Variants in KIF26B observed in about 807,000 individuals in gnomAD.
KIF26B encodes kinesin family member 26B.
In KIF26B, 63 loss-of-function variants were observed where a neutral mutation model predicts 151.2. That is an observed-to-expected ratio of 0.42 (90% CI 0.34 to 0.51). The LOEUF (loss-of-function observed/expected upper bound fraction) is 0.51, where lower values mean the gene tolerates loss of function less well. Among genes scored for constraint, KIF26B ranks in the 20% least tolerant of loss-of-function variants. The probability of loss-of-function intolerance (pLI) is 0.07; values close to 1 mark genes in which losing one functional copy is unlikely to be tolerated. For missense variants in KIF26B, 2,813 were observed against 2,913.6 expected (o/e 0.97, Z 0.79); for synonymous variants, 1,357 against 1,262.1 (o/e 1.08, Z -1.59).
intron 2 of KIF26B, among the ~76,000 whole-genome samples, chr1:245,235,350 G>T (rs1264635932): frequency 6.6e-6 from 1 of 151,974 alleles, no homozygotes; most frequent in East Asian, 1.9e-4. Flanking sequence ...CCAGTGCTTT[G>T]AGAGGCTGAG....
In KIF26B at chr1:245,702,718, T is replaced by C. The variant is rs111364911; in HGVS notation, c.*112T>C. 62,287 of 1,266,810 alleles carry C rather than the reference T, an allele frequency of 0.049. 1,804 individuals are homozygous for C. Among genetic ancestry groups the C allele is most frequent in the Middle Eastern group, 0.064 (235 of 3,644 alleles). 78.5% of individuals were successfully genotyped at this position (1,266,810 alleles called of 1,614,324 possible). On this transcript the variant is annotated 3_prime_UTR_variant, in exon 15 of 15. Coordinates refer to ENST00000407071, the MANE Select transcript of KIF26B (RefSeq NM_018012.4). This position sits in a 1 kb window ranked among gnomAD's most constrained non-coding sequence, Gnocchi z 4.1. ...CAAAGACAATGAATGAGGATGAAGG[T>C]TGGTGGCAAGTCTGGAGCGGGCGTT...
rs775047711 is a variant in KIF26B, at chr1:245,540,925, T to C, written c.1325T>C (p.Val442Ala). ...PPCLLRAVNK[V>A]KDTPGLGKVK... is the part of the protein sequence containing the mutation. Reference sequence around the variant, plus strand: ...TGCCTGCTGAGGGCTGTCAACAAGGTGAAGGACACCCCGGGGCTGGGCAAG... The same window carrying C: ...TGCCTGCTGAGGGCTGTCAACAAGGCGAAGGACACCCCGGGGCTGGGCAAG... The change falls in exon 5 of 15, where the codon GTG becomes GCG. Residue 442 changes from valine to alanine, a missense_variant. Physicochemically the swap from Val to Ala is moderately conservative, Grantham distance 64. Coordinates refer to ENST00000407071, the MANE Select transcript of KIF26B (RefSeq NM_018012.4). This position sits in a 1 kb window ranked among gnomAD's most constrained non-coding sequence, Gnocchi z 4.6. 6.2e-7 allele frequency: 1 copy of C among 1,613,628 alleles called. No individual in the cohort carries two copies. The highest frequency in any genetic ancestry group is 1.3e-5 in the African/African-American group (1 of 74,986).
chr1:245,684,869 A>C (rs1372336118), intron 11 of KIF26B, among the ~76,000 whole-genome samples: 1 of 152,096 alleles, frequency 6.6e-6, no homozygotes, highest in Non-Finnish European at 1.5e-5. Context: ...TTGTCCTGGC[A>C]ATTCAGTGGT....
chr1:245,266,018 T>C (rs1365570636), intron 2 of KIF26B, among the ~76,000 whole-genome samples: 1 of 151,848 alleles, frequency 6.6e-6, no homozygotes, highest in Non-Finnish European at 1.5e-5. Context: ...CACCATAAAG[T>C]AAAAGAGATC....
chr1:245,599,333 C>A (rs898353961), intron 5 of KIF26B, among the ~76,000 whole-genome samples: 1 of 152,184 alleles, frequency 6.6e-6, no homozygotes, highest in Non-Finnish European at 1.5e-5. Flanking sequence ...TGTGGCCTTT[C>A]CCCCAGCTCG....
chr1:245,627,635 C>T (rs1156547046), intron 9 of KIF26B, among the ~76,000 whole-genome samples: 1 of 151,206 alleles, frequency 6.6e-6, no homozygotes, highest in East Asian at 1.9e-4. Context: ...AAGATCAGAG[C>T]AGAACTGAAG....
At chr1:245,356,424 C>T (rs112672598) in intron 2 of KIF26B, among the ~76,000 whole-genome samples, 4,058 of 151,952 alleles carry the variant, frequency 0.027, 171 homozygotes, top group African/African-American at 0.086. Flanking sequence ...GGCGTGGTGG[C>T]GGGCGCCTGT....
chr1:245,623,727 T>C (rs1185916842), intron 9 of KIF26B, among the ~76,000 whole-genome samples: 1 of 152,226 alleles, frequency 6.6e-6, no homozygotes, highest in African/African-American at 2.4e-5. Flanking sequence ...TCAGGCTGTG[T>C]ATATAAGGTA....
At chr1:245,441,634 G>A (rs1043878090) in intron 4 of KIF26B, among the ~76,000 whole-genome samples, 3 of 152,108 alleles carry the variant, frequency 2.0e-5, no homozygotes, top group Non-Finnish European at 4.4e-5. Context: ...ACAAGAATAG[G>A]ACATTCCTAT....
At position 245,685,806 on chromosome 1, in the gene KIF26B, G is replaced by A; in HGVS notation, c.2823G>A (p.Glu941=). Reference sequence around the variant, plus strand: ...TGGACTGCATCGACGGCAGCGAGGAGCCCAGCAGCTTTCCTTTCGAAGAAC... The same window carrying A: ...TGGACTGCATCGACGGCAGCGAGGAACCCAGCAGCTTTCCTTTCGAAGAAC... The part of the protein sequence containing the change: ...ERLDCIDGSE[E]PSSFPFEELP... Residue 941 remains glutamate, a synonymous_variant, in exon 12 of 15, where the codon GAG becomes GAA. Transcript: ENST00000407071. 1 of 1,610,166 alleles carries A rather than the reference G, an allele frequency of 6.2e-7. No individual in the cohort carries two copies. Among genetic ancestry groups the A allele is most frequent in the African/African-American group, 1.3e-5 (1 of 74,972 alleles).
intron 4 of KIF26B, among the ~76,000 whole-genome samples, chr1:245,434,512 C>T (rs1658856806): frequency 6.6e-6 from 1 of 152,098 alleles, no homozygotes; most frequent in African/African-American, 2.4e-5. Context: ...ACTGCTGGTC[C>T]CCCTCTTCCC....
chr1:245,487,689 C>T (rs985899034), intron 4 of KIF26B, among the ~76,000 whole-genome samples: 1 of 152,010 alleles, frequency 6.6e-6, no homozygotes, highest in Non-Finnish European at 1.5e-5. Flanking sequence ...CAGCCTGGAC[C>T]TCGGCTCAGG....
At chr1:245,578,429 A>G (rs1374636254) in intron 5 of KIF26B, among the ~76,000 whole-genome samples, 5 of 152,242 alleles carry the variant, frequency 3.3e-5, no homozygotes, top group African/African-American at 1.2e-4. Context: ...ACAAACAGCC[A>G]GTCTGCACAG....
At chr1:245,302,857 CGGGT>C (rs1671451431) in intron 2 of KIF26B, among the ~76,000 whole-genome samples, 1 of 151,476 alleles carries the variant, frequency 6.6e-6, no homozygotes, top group Non-Finnish European at 1.5e-5. Context: ...GGCGTGGTGG[CGGGT>C]GCCTGTAATC....
intron 2 of KIF26B, among the ~76,000 whole-genome samples, chr1:245,328,879 G>A (rs1030849349): frequency 1.3e-5 from 2 of 152,184 alleles, no homozygotes; most frequent in Admixed American, 6.5e-5. Flanking sequence ...ATTCATCCAC[G>A]TAGTGAGACC....
At chr1:245,258,718 T>C (rs1302698024) in intron 2 of KIF26B, among the ~76,000 whole-genome samples, 1 of 151,790 alleles carries the variant, frequency 6.6e-6, no homozygotes, top group Non-Finnish European at 1.5e-5. Flanking sequence ...AGGATAACCA[T>C]AGCAAGGCAG....
intron 3 of KIF26B, among the ~76,000 whole-genome samples, chr1:245,383,045 A>G (rs1438837981): frequency 5.4e-5 from 8 of 149,218 alleles, no homozygotes; most frequent in African/African-American, 2.0e-4. Context: ...ATATGTATAT[A>G]TATATATACA....
In KIF26B at chr1:245,293,998, A is replaced by T. The variant is rs115528230; in HGVS notation, c.466-72836A>T. Reference sequence around the variant, plus strand: ...TTTGAATTTGCAAGTTAAAACTCTGATTTTCCATGGGCAGAATCCGGGTGA... The same window carrying T: ...TTTGAATTTGCAAGTTAAAACTCTGTTTTTCCATGGGCAGAATCCGGGTGA... On this transcript the variant is annotated intron_variant, in intron 2 of 14. Transcript: ENST00000407071. 9.2e-3 allele frequency among the ~76,000 whole-genome samples: 1,403 copies of T among 152,252 alleles called. 17 individuals are homozygous for T. The highest frequency in any genetic ancestry group is 0.032 in the African/African-American group (1,324 of 41,548).
intron 4 of KIF26B, among the ~76,000 whole-genome samples, chr1:245,532,918 T>A (rs1353393964): frequency 1.3e-5 from 2 of 152,220 alleles, no homozygotes; most frequent in African/African-American, 2.4e-5. Context: ...GCTTCTTGGC[T>A]ATGCCCAAAT....
Sources: allele counts gnomAD v4.1 joint callset (sites outside exome capture counted in the v4.1 genomes callset), GRCh38; gene constraint gnomAD v4.1.1; non-coding constraint Gnocchi (gnomAD v3.1); transcripts MANE v1.5; gene names NCBI Gene and HGNC (gene_info 2026-07-23, HGNC 2026-07-21).